Variants in CRAT observed in about 807,000 individuals in gnomAD.
CRAT encodes the protein carnitine O-acetyltransferase.
In CRAT, 66 loss-of-function variants were observed where a neutral mutation model predicts 73.7. The observed-to-expected ratio is 0.90, with a 90% CI of 0.73 to 1.10. The LOEUF (loss-of-function observed/expected upper bound fraction) is 1.10. Among genes scored for constraint, CRAT ranks in the 50% least tolerant of loss-of-function variants. CRAT has a pLI of 0.00. For missense variants in CRAT, 745 were observed against 846.9 expected (o/e 0.88, Z 1.49); for synonymous variants, 321 against 343.2 (o/e 0.94, Z 0.71).
intron 12 of CRAT, 21 bp downstream of exon 12, chr9:129,097,229 G>T (rs1394025626): frequency 2.6e-6 from 4 of 1,543,512 alleles, no homozygotes; most frequent in Non-Finnish European, 3.5e-6. Context: ...CAAGTGAGTA[G>T]GCACAAGCGG....
intron 12 of CRAT, among the ~76,000 whole-genome samples, chr9:129,096,841 G>A (rs529523193): frequency 1.3e-5 from 2 of 152,282 alleles, no homozygotes; most frequent in East Asian, 1.9e-4. Flanking sequence ...GCCTGAGGTG[G>A]GTGGATCACC....
intron 1 of CRAT, chr9:129,109,135 G>A (rs1368933696): frequency 8.4e-6 from 11 of 1,303,758 alleles, no homozygotes; most frequent in Non-Finnish European, 1.1e-5. Flanking sequence ...CTCTGCATGG[G>A]CTCAGTGCCA....
chr9:129,102,806 C>G (rs1212546276), intron 4 of CRAT, among the ~76,000 whole-genome samples: 1 of 151,690 alleles, frequency 6.6e-6, no homozygotes, highest in African/African-American at 2.4e-5. Context: ...TTCAGTTTGT[C>G]ACAGGGGAGA....
intron 2 of CRAT, among the ~76,000 whole-genome samples, chr9:129,104,619 T>G (rs1030780459): frequency 6.6e-6 from 1 of 152,032 alleles, no homozygotes; most frequent in Non-Finnish European, 1.5e-5. Context: ...TTTTTTTTTT[T>G]TTTGAGACAG....
intron 13 of CRAT, 85 bp downstream of exon 13, chr9:129,095,913 G>A: frequency 1.3e-6 from 2 of 1,561,788 alleles, no homozygotes; most frequent in South Asian, 1.1e-5. Context: ...GTTGGCAATG[G>A]GTCAGTGGGG....
chr9:129,110,516 T>C lies in CRAT; in HGVS notation c.-7A>G. ...TGGCAGCGAAGGCTAACATCTTCGC[T>C]GCCCGTCCGCGGACACGCAGTCCGC... is the stretch of plus-strand genomic sequence containing the variant. On this transcript the variant is annotated 5_prime_UTR_variant, in exon 1 of 14. Transcript: ENST00000318080. This position sits in a 1 kb window ranked among gnomAD's most constrained non-coding sequence, Gnocchi z 5.3. The C allele has an allele frequency of 6.3e-7, 1 of 1,575,588 alleles. No individual in the cohort carries two copies. Among genetic ancestry groups the C allele is most frequent in the South Asian group, 1.2e-5 (1 of 86,734 alleles).
intron 8 of CRAT, among the ~76,000 whole-genome samples, chr9:129,099,353 T>G (rs1310530375): frequency 2.0e-5 from 3 of 150,178 alleles, no homozygotes; most frequent in African/African-American, 4.9e-5. Flanking sequence ...AGGCTGGTCT[T>G]GAACTCCTGA....
chr9:129,108,411 G>A (rs749820691), intron 1 of CRAT: 16 of 1,183,362 alleles, frequency 1.4e-5, no homozygotes, highest in Non-Finnish European at 1.7e-5. Context: ...TTCTCACCCT[G>A]GAAGAGGAGC....
chr9:129,095,529 G>A lies in CRAT; in HGVS notation c.1749C>T (p.Ala583=). ...GYGVCYNPME[A]HINFSLSAYN... ...AGGCCGACAGGGAGAAGTTGATGTGGGCCTCCATGGGGTTATAGCAGACAC... is the reference window on the plus strand; with the variant it reads ...AGGCCGACAGGGAGAAGTTGATGTGAGCCTCCATGGGGTTATAGCAGACAC... Residue 583 remains alanine, a synonymous_variant, in exon 14 of 14, where the codon GCC becomes GCT. Coordinates refer to ENST00000318080, the MANE Select transcript of CRAT (RefSeq NM_000755.5). The A allele has an allele frequency of 6.2e-7, 1 of 1,613,542 alleles. No homozygotes were observed. Among genetic ancestry groups the A allele is most frequent in the Non-Finnish European group, 8.5e-7 (1 of 1,180,006 alleles).
At position 129,100,582 on chromosome 9, in the gene CRAT, C is replaced by T. The variant is rs770984813; in HGVS notation, c.913G>A (p.Ala305Thr). Residue 305 changes from alanine (A) to threonine (T), a missense_variant, in exon 7 of 14, where the codon GCA becomes ACA. Ala to Thr is a moderately conservative substitution (Grantham distance 58). Coordinates refer to ENST00000318080, the MANE Select transcript of CRAT (RefSeq NM_000755.5). ...CCGCCCCCATGCAGCATCTGGCCTG[C>T]CACGTGGCTGCGGTACACGTCTTCT... The part of the protein sequence containing the change: ...VSEDVYRSHV[A>T]GQMLHGGGSR... The T allele has an allele frequency of 2.2e-5, 36 of 1,614,014 alleles. No individual in the cohort carries two copies. Among genetic ancestry groups the T allele is most frequent in the Non-Finnish European group, 3.1e-5 (36 of 1,180,000 alleles).
chr9:129,109,245 C>T (rs980966741), intron 1 of CRAT: 25 of 1,304,004 alleles, frequency 1.9e-5, no homozygotes, highest in Admixed American at 2.3e-5. Context: ...ACTGCCTGGC[C>T]GCTGAGGTTA....
intron 9 of CRAT, 48 bp downstream of exon 9, chr9:129,098,483 G>T: frequency 6.3e-7 from 1 of 1,592,496 alleles, no homozygotes; most frequent in Non-Finnish European, 8.6e-7. Context: ...AAGCTCAAGG[G>T]CCTGGCCTCA....
Position 129,106,051 on chromosome 9 carries a change from CGTG to C in CRAT, c.292-1748_292-1746del, listed in dbSNP as rs1000387986. ...TGGGCCCACCTGCGCCCCCTCAACC[CGTG>C]GTGAACAGCAGCAGGATGCGCCTCT... On this transcript the variant is annotated intron_variant, in intron 2 of 13. Coordinates refer to ENST00000318080, the MANE Select transcript of CRAT (RefSeq NM_000755.5). The surrounding 1 kb of genome is among the most constrained non-coding windows in gnomAD (Gnocchi z 4.0). 6.6e-6 allele frequency among the ~76,000 whole-genome samples: 1 copy of C among 152,166 alleles called. No individual in the cohort carries two copies. The highest frequency in any genetic ancestry group is 2.4e-5 in the African/African-American group (1 of 41,434).
At chr9:129,105,272 C>T (rs1033831258) in intron 2 of CRAT, among the ~76,000 whole-genome samples, 37 of 151,896 alleles carry the variant, frequency 2.4e-4, no homozygotes, top group Non-Finnish European at 5.1e-4. Flanking sequence ...AAAATGTATG[C>T]CTGAATAGAT....
At chr9:129,097,350 C>G in intron 11 of CRAT, 38 bp from the exon 12 acceptor site, 2 of 1,515,262 alleles carry the variant, frequency 1.3e-6, no homozygotes, top group Non-Finnish European at 1.8e-6. Context: ...GAAGCACTGT[C>G]CCTTCTCTTC....
In CRAT at chr9:129,107,355, G is replaced by C; in HGVS notation, c.291+459C>G. 2 of 498,278 alleles carry C rather than the reference G, an allele frequency of 4.0e-6. No homozygotes were observed. The highest frequency in any genetic ancestry group is 5.1e-5 in the South Asian group (2 of 39,290). The allele number at this position is 498,278 out of a possible 1,614,324, so 30.9% of individuals were successfully genotyped here. On this transcript the variant is annotated intron_variant, in intron 2 of 13. Transcript: ENST00000318080. The surrounding 1 kb of genome is among the most constrained non-coding windows in gnomAD (Gnocchi z 5.0). Reference sequence around the variant, plus strand: ...CTGCCACTTTTTAAATCTGTGTATTGAAGTATGAGATGCAAATAGAAAAGC... The same window carrying C: ...CTGCCACTTTTTAAATCTGTGTATTCAAGTATGAGATGCAAATAGAAAAGC...
At chr9:129,109,661 C>A (rs1483841319) in intron 1 of CRAT, among the ~76,000 whole-genome samples, 1 of 151,978 alleles carries the variant, frequency 6.6e-6, no homozygotes, top group African/African-American at 2.4e-5. Context: ...GACAAGGGTG[C>A]GGTGGAGGCT....
At chr9:129,101,017 G>C (rs1373624364) in intron 6 of CRAT, among the ~76,000 whole-genome samples, 1 of 152,254 alleles carries the variant, frequency 6.6e-6, no homozygotes, top group Non-Finnish European at 1.5e-5. Context: ...CAGGTGGTCT[G>C]ACTTTGGGGT....
rs1189157081 is a variant in CRAT, at chr9:129,102,289, G to A, written c.630+111C>T. On this transcript the variant is annotated intron_variant, in intron 5 of 13. Transcript: ENST00000318080. The stretch of plus-strand genomic sequence containing the variant: ...AGAAGCCAGGGGCGCCCATTCCTGG[G>A]GCACGTGGGCACGTGTGCTGGGGAA... The A allele has an allele frequency of 4.7e-5, 68 of 1,455,928 alleles. 1 individual carries two copies. In the Admixed American group the frequency reaches 1.2e-3, roughly 25 times the overall value. 90.2% of individuals were successfully genotyped at this position (1,455,928 alleles called of 1,614,324 possible).
Sources: allele counts gnomAD v4.1 joint callset (sites outside exome capture counted in the v4.1 genomes callset), GRCh38; gene constraint gnomAD v4.1.1; non-coding constraint Gnocchi (gnomAD v3.1); transcripts MANE v1.5; gene names NCBI Gene and HGNC (gene_info 2026-07-23, HGNC 2026-07-21).